NT5C2: variants seen among roughly 807,000 people sequenced by gnomAD.
The protein encoded by NT5C2 is cytosolic purine 5'-nucleotidase.
A neutral mutation model predicts 76.1 loss-of-function variants in NT5C2; 58 were observed. The observed-to-expected ratio is 0.76, with a 90% CI of 0.62 to 0.95. NT5C2 has a LOEUF of 0.95. Among genes scored for constraint, NT5C2 ranks in the 40% least tolerant of loss-of-function variants. NT5C2 has a pLI of 0.00. For synonymous variants in NT5C2, 229 were observed against 237.4 expected (o/e 0.96, Z 0.32); for missense variants, 478 against 690.3 (o/e 0.69, Z 3.45).
Position 103,100,016 on chromosome 10 carries a change from A to T in NT5C2, c.543T>A (p.Cys181Ter), listed in dbSNP as rs760856784. Residue 181 changes from cysteine (C) to a stop codon, truncating the protein, a stop_gained, in exon 9 of 19, where the codon TGT (cysteine) becomes TGA (stop). Transcript: ENST00000404739. LOFTEE classifies it high-confidence loss of function. ...GGTCCCCATCTTTAAATCCTGTTTC[A>T]CAACTACAGAAAGATAAAAATAACA... is the stretch of plus-strand genomic sequence containing the variant. ...FFTNCPRYTS[C>*]ETGFKDGDLF... 6.3e-7 allele frequency: 1 copy of T among 1,596,830 alleles called. No homozygotes were observed. Among genetic ancestry groups the T allele is most frequent in the Non-Finnish European group, 8.6e-7 (1 of 1,165,092 alleles).
At chr10:103,136,577 A>G (rs1163339697) in intron 4 of NT5C2, among the ~76,000 whole-genome samples, 2 of 152,180 alleles carry the variant, frequency 1.3e-5, no homozygotes, top group African/African-American at 2.4e-5. Flanking sequence ...AAAAACAAAA[A>G]GAAGAAATCA....
intron 1 of NT5C2, among the ~76,000 whole-genome samples, chr10:103,181,976 C>T (rs767500966): frequency 1.2e-4 from 18 of 151,372 alleles, no homozygotes; most frequent in Non-Finnish European, 2.4e-4. Flanking sequence ...CGCCACTGCA[C>T]TCCAGCCTGG....
chr10:103,154,696 C>A (rs1285448464), intron 3 of NT5C2, among the ~76,000 whole-genome samples: 1 of 152,096 alleles, frequency 6.6e-6, no homozygotes, highest in Non-Finnish European at 1.5e-5. Flanking sequence ...ACAGGAAAAG[C>A]AACTGGATTA....
At chr10:103,102,445 C>T (rs1039320918) in intron 6 of NT5C2, among the ~76,000 whole-genome samples, 1 of 152,106 alleles carries the variant, frequency 6.6e-6, no homozygotes, top group African/African-American at 2.4e-5. Flanking sequence ...CACCCACCAG[C>T]TAACCACAGA....
chr10:103,092,976 T>G (rs2067298795), intron 15 of NT5C2, among the ~76,000 whole-genome samples, 163 bp downstream of exon 15: 1 of 152,162 alleles, frequency 6.6e-6, no homozygotes, highest in Non-Finnish European at 1.5e-5. Flanking sequence ...TGGAGTTCTG[T>G]GAAATATCTG....
intron 3 of NT5C2, among the ~76,000 whole-genome samples, chr10:103,165,968 C>T (rs935678126): frequency 3.3e-5 from 5 of 152,362 alleles, no homozygotes; most frequent in Non-Finnish European, 7.3e-5. Flanking sequence ...CCGTGCCTGG[C>T]TTACCCAAGA....
intron 11 of NT5C2, among the ~76,000 whole-genome samples, chr10:103,096,916 A>G (rs1237349612): frequency 6.6e-6 from 1 of 151,558 alleles, no homozygotes; most frequent in East Asian, 1.9e-4. Context: ...TCTGTGCAGC[A>G]TCTATTGCTG....
chr10:103,105,756 A>G lies in NT5C2; in HGVS notation c.339T>C (p.Asp113=), dbSNP rs939849975. The part of the protein sequence containing the change: ...DTLYGNLLKV[D]AYGNLLVCAH... ...CACAGACCAAGAGGTTTCCATAGGCATCGACTTTCAAAAGATTTCCATACA... is the reference window on the plus strand; with the variant it reads ...CACAGACCAAGAGGTTTCCATAGGCGTCGACTTTCAAAAGATTTCCATACA... The change falls in exon 6 of 19, where the codon GAT becomes GAC. Residue 113 remains aspartate (D), a synonymous_variant. Coordinates refer to ENST00000404739, the MANE Select transcript of NT5C2 (RefSeq NM_001351169.2). 5.0e-6 allele frequency: 8 copies of G among 1,613,388 alleles called. No individual in the cohort carries two copies. The highest frequency in any genetic ancestry group is 1.3e-5 in the African/African-American group (1 of 74,914).
intron 3 of NT5C2, among the ~76,000 whole-genome samples, chr10:103,167,307 C>A (rs970822853): frequency 6.6e-6 from 1 of 152,148 alleles, no homozygotes; most frequent in Admixed American, 6.5e-5. Flanking sequence ...CATGAGCCAC[C>A]ATGCCCAGTC....
chr10:103,142,649 C>G (rs770584606), intron 3 of NT5C2, among the ~76,000 whole-genome samples: 7 of 151,374 alleles, frequency 4.6e-5, no homozygotes, highest in Non-Finnish European at 1.0e-4. Flanking sequence ...GCATGGGTGA[C>G]AGAGTAAGAC....
intron 3 of NT5C2, among the ~76,000 whole-genome samples, chr10:103,161,016 A>C (rs2084725361): frequency 6.6e-6 from 1 of 152,170 alleles, no homozygotes; most frequent in Non-Finnish European, 1.5e-5. Flanking sequence ...CTCAAAAAAA[A>C]GGCAGTAAGT....
intron 6 of NT5C2, among the ~76,000 whole-genome samples, chr10:103,103,523 T>C (rs116614723): frequency 0.014 from 2,161 of 152,318 alleles, 43 homozygotes; most frequent in African/African-American, 0.049. Flanking sequence ...AGAACCCAAA[T>C]TGATTTATAA....
At chr10:103,094,567 T>C in intron 12 of NT5C2, 112 bp from the exon 13 acceptor site, 5 of 663,606 alleles carry the variant, frequency 7.5e-6, no homozygotes, top group Admixed American at 7.3e-5. Context: ...AGCCAGAAGA[T>C]CCCACTATTT....
intron 3 of NT5C2, among the ~76,000 whole-genome samples, chr10:103,161,874 T>C (rs1476700528): frequency 6.6e-6 from 1 of 152,138 alleles, no homozygotes. Context: ...TGACACGGGC[T>C]GGAGAGAGAG....
chr10:103,129,720 T>G (rs1591234103), intron 4 of NT5C2, among the ~76,000 whole-genome samples: 4 of 87,158 alleles, frequency 4.6e-5, no homozygotes, highest in Non-Finnish European at 6.9e-5. Flanking sequence ...GGAGCCCCTC[T>G]GCCCGGCCAG....
chr10:103,099,008 T>A lies in NT5C2; in HGVS notation c.634-24A>T, dbSNP rs751362779. On this transcript the variant is annotated intron_variant, in intron 9 of 18. Transcript: ENST00000404739. Reference sequence around the variant, plus strand: ...CCCTGGAGGAAGACAAAAAAAAGAATTAAGAAAAGAACAAAATCAGTTTTT... The same window carrying A: ...CCCTGGAGGAAGACAAAAAAAAGAAATAAGAAAAGAACAAAATCAGTTTTT... The A allele has an allele frequency of 1.9e-6, 3 of 1,569,348 alleles. No homozygotes were observed. The East Asian group carries it at 6.7e-5, about 35-fold the overall frequency.
At chr10:103,096,974 G>C (rs1185079090) in intron 11 of NT5C2, among the ~76,000 whole-genome samples, 2 of 151,920 alleles carry the variant, frequency 1.3e-5, no homozygotes, top group East Asian at 3.8e-4. Context: ...TCAATAAGGG[G>C]TGTGACTGCT....
At chr10:103,188,823 G>A (rs1439632159) in intron 1 of NT5C2, among the ~76,000 whole-genome samples, 2 of 152,138 alleles carry the variant, frequency 1.3e-5, no homozygotes, top group African/African-American at 4.8e-5. Flanking sequence ...CCAACATGGT[G>A]AAACCCCATC....
intron 4 of NT5C2, among the ~76,000 whole-genome samples, chr10:103,137,056 A>T (rs1230908544): frequency 6.6e-6 from 1 of 152,260 alleles, no homozygotes; most frequent in Non-Finnish European, 1.5e-5. Flanking sequence ...TACTAAATTG[A>T]ACTATTTCAA....
Sources: allele counts gnomAD v4.1 joint callset (sites outside exome capture counted in the v4.1 genomes callset), GRCh38; gene constraint gnomAD v4.1.1; transcripts MANE v1.5; gene names NCBI Gene and HGNC (gene_info 2026-07-23, HGNC 2026-07-21).